The following DRAXIN variants were observed in gnomAD, a reference collection of about 807,000 sequenced individuals.
The protein encoded by DRAXIN is dorsal inhibitory axon guidance protein.
DRAXIN carries 27 observed loss-of-function variants against 33.9 expected under a neutral mutation model. The ratio of observed to expected loss-of-function variants is 0.80; its 90% CI spans 0.59 to 1.10. DRAXIN has a LOEUF of 1.10. Ranked by LOEUF, DRAXIN falls within the 50% of genes least tolerant of loss-of-function variation. The pLI is 0.00. For missense variants in DRAXIN, 371 were observed against 460.8 expected (o/e 0.81, Z 1.78); for synonymous variants, 178 against 194.0 (o/e 0.92, Z 0.69).
rs138104563 is a variant in DRAXIN, at chr1:11,719,611, G to A, written c.965G>A (p.Arg322Gln). 2,004 of 1,613,610 alleles carry A rather than the reference G, an allele frequency of 1.2e-3. 5 individuals carry two copies. The highest frequency in any genetic ancestry group is 1.3e-3 in the Non-Finnish European group (1,574 of 1,179,756). Residue 322 changes from arginine (R) to glutamine (Q), a missense_variant, in exon 7 of 7, where the codon CGG (arginine) becomes CAG (glutamine). Arg to Gln is a conservative substitution (Grantham distance 43, BLOSUM62 1). Transcript: ENST00000294485. ...EGLRCYAKFH[R>Q]NRRVTRRKGR... ...CTGCGCTGCTATGCCAAATTCCACC[G>A]GAACCGCAGGGTTACACGGAGGAAA...
chr1:11,718,308 T>A (rs1324558998), intron 6 of DRAXIN, among the ~76,000 whole-genome samples: 43 of 61,858 alleles, frequency 7.0e-4, no homozygotes, highest in Non-Finnish European at 1.1e-3. Context: ...AGAGCAAAAC[T>A]CCATCTCAAA....
rs1322684110 is a variant in DRAXIN, at chr1:11,694,182, CCTT to C, written c.-11+2332_-11+2334del. 6.6e-6 allele frequency among the ~76,000 whole-genome samples: 1 copy of C among 152,108 alleles called. No individual in the cohort carries two copies. The highest frequency in any genetic ancestry group is 1.5e-5 in the Non-Finnish European group (1 of 68,022). On this transcript the variant is annotated intron_variant, in intron 1 of 6. Transcript: ENST00000294485. This position sits in a 1 kb window ranked among gnomAD's most constrained non-coding sequence, Gnocchi z 4.9. ...TCCTCCCTGGGTGGGGGCTGGGTCT[CCTT>C]CTGCTTGTGGTCCCAGTGCCTGGCA...
chr1:11,714,363 C>G (rs188151751), intron 5 of DRAXIN, among the ~76,000 whole-genome samples: 1 of 152,218 alleles, frequency 6.6e-6, no homozygotes. Flanking sequence ...AGACGAGGCC[C>G]GTGCTGAGCA....
Position 11,706,468 on chromosome 1 carries a change from C to T in DRAXIN, c.210C>T (p.Gly70=), listed in dbSNP as rs1016502379. ...RGPGKKEWGP[G]LPSQAQDGAV... ...CGGGCAAGAAGGAGTGGGGCCCAGG[C>T]CTGCCCAGCCAGGCCCAGGATGGGG... The change falls in exon 2 of 7, where the codon GGC becomes GGT. Residue 70 remains glycine (G), a synonymous_variant. Coordinates refer to ENST00000294485, the MANE Select transcript of DRAXIN (RefSeq NM_198545.4). This position sits in a 1 kb window ranked among gnomAD's most constrained non-coding sequence, Gnocchi z 5.5. The T allele has an allele frequency of 3.7e-6, 6 of 1,610,662 alleles. No homozygotes were observed. In the African/African-American group the frequency reaches 6.7e-5, roughly 18 times the overall value.
Position 11,719,750 on chromosome 1 carries a change from T to C in DRAXIN, c.*54T>C. ...AGGAGGTTTGCACAAGCCGGGCGATTTGTTTGTAACTAGCAGTGGGAGATC... is the reference window on the plus strand; with the variant it reads ...AGGAGGTTTGCACAAGCCGGGCGATCTGTTTGTAACTAGCAGTGGGAGATC... On this transcript the variant is annotated 3_prime_UTR_variant, in exon 7 of 7. Coordinates refer to ENST00000294485, the MANE Select transcript of DRAXIN (RefSeq NM_198545.4). The C allele has an allele frequency of 6.6e-7, 1 of 1,514,628 alleles. No homozygotes were observed. Among genetic ancestry groups the C allele is most frequent in the Non-Finnish European group, 9.1e-7 (1 of 1,098,878 alleles). The allele number at this position is 1,514,628 out of a possible 1,614,324, so 93.8% of individuals were successfully genotyped here. A position where few individuals can be genotyped will look rare whatever the true frequency, so the allele number is the denominator to read the frequency against.
intron 6 of DRAXIN, among the ~76,000 whole-genome samples, chr1:11,716,484 G>A (rs1641579501): frequency 6.6e-6 from 1 of 152,216 alleles, no homozygotes; most frequent in Admixed American, 6.5e-5. Context: ...TCCTGGATGG[G>A]GGAATTGGGG....
At chr1:11,689,768 A>G (rs530915857), upstream of DRAXIN, among the ~76,000 whole-genome samples, 1 of 152,092 alleles carries the variant, frequency 6.6e-6, no homozygotes, top group East Asian at 1.9e-4. Context: ...TTTTTACTCT[A>G]TGGACTCGCC....
upstream of DRAXIN, chr1:11,691,563 G>A (rs1245202027): frequency 9.2e-5 from 14 of 151,684 alleles, no homozygotes; most frequent in African/African-American, 4.8e-5. Flanking sequence ...AGCTGGCGAG[G>A]GCGCGCTGGC....
intron 6 of DRAXIN, 146 bp from the exon 7 acceptor site, chr1:11,719,438 C>A: frequency 1.5e-6 from 1 of 664,608 alleles, no homozygotes; most frequent in Non-Finnish European, 2.6e-6. Context: ...GTCTTTTAAG[C>A]TCATTGGGGC....
chr1:11,707,809 C>A (rs6689544), intron 2 of DRAXIN, among the ~76,000 whole-genome samples: 5 of 152,164 alleles, frequency 3.3e-5, no homozygotes, highest in African/African-American at 4.8e-5. Context: ...CATTCAGTCT[C>A]GGAGTAGACA....
chr1:11,704,432 AATGCTT>A lies in DRAXIN; in HGVS notation c.-10-1816_-10-1811del, dbSNP rs1641347916. ...GATTGAGGTTCCCTCTGCGCCGAAC[AATGCTT>A]GAGTGACAGGCCTTTAAAATGGGCC... On this transcript the variant is annotated intron_variant, in intron 1 of 6. Transcript: ENST00000294485. This position sits in a 1 kb window ranked among gnomAD's most constrained non-coding sequence, Gnocchi z 4.6. Among the ~76,000 whole-genome samples, 1 of 150,864 alleles carries A rather than the reference AATGCTT, an allele frequency of 6.6e-6. No individual in the cohort carries two copies.
intron 5 of DRAXIN, among the ~76,000 whole-genome samples, chr1:11,713,427 A>G (rs991727156): frequency 6.6e-6 from 1 of 152,158 alleles, no homozygotes; most frequent in African/African-American, 2.4e-5. Context: ...TCCCATCGCA[A>G]CACTGCCAGG....
rs899611606 is a variant in DRAXIN at position 11,696,082 on chromosome 1, C to G, written c.-11+4229C>G. 2.0e-5 allele frequency among the ~76,000 whole-genome samples: 3 copies of G among 152,144 alleles called. No individual in the cohort carries two copies. The highest frequency in any genetic ancestry group is 4.4e-5 in the Non-Finnish European group (3 of 68,022). On this transcript the variant is annotated intron_variant, in intron 1 of 6. Coordinates refer to ENST00000294485, the MANE Select transcript of DRAXIN (RefSeq NM_198545.4). The surrounding 1 kb of genome is among the most constrained non-coding windows in gnomAD (Gnocchi z 4.7). ...CCCCTCCAGGCTGGCCTAGGACAGT[C>G]CTGCCCTGCCATCGATCACCCCACT...
rs1274832603 is a variant in DRAXIN, at chr1:11,725,023, C to T, written c.*5327C>T. On this transcript the variant is annotated 3_prime_UTR_variant, in exon 7 of 7. Coordinates refer to ENST00000294485, the MANE Select transcript of DRAXIN (RefSeq NM_198545.4). ...TGATACAGGATCCATGGCTGGGTCACTTCTGGGTGCAAGAGGCTTTCTAGA... is the reference window on the plus strand; with the variant it reads ...TGATACAGGATCCATGGCTGGGTCATTTCTGGGTGCAAGAGGCTTTCTAGA... The T allele has an allele frequency of 1.3e-5, 2 of 152,230 alleles. No homozygotes were observed. Among genetic ancestry groups the T allele is most frequent in the African/African-American group, 2.4e-5 (1 of 41,432 alleles). The allele number at this position is 152,230 out of a possible 1,614,324, so 9.4% of individuals were successfully genotyped here. A position where few individuals can be genotyped will look rare whatever the true frequency, so the allele number is the denominator to read the frequency against.
Position 11,705,001 on chromosome 1 carries a change from C to A in DRAXIN, c.-10-1248C>A, listed in dbSNP as rs528840868. On this transcript the variant is annotated intron_variant, in intron 1 of 6. Coordinates refer to ENST00000294485, the MANE Select transcript of DRAXIN (RefSeq NM_198545.4). This position sits in a 1 kb window ranked among gnomAD's most constrained non-coding sequence, Gnocchi z 4.8. ...GCAGTTTCCCTGCCCTACCACCCTC[C>A]CTCGGGGTCGGGGCTAAGGTGACAC... Among the ~76,000 whole-genome samples, 9 of 152,314 alleles carry A rather than the reference C, an allele frequency of 5.9e-5. No individual in the cohort carries two copies. Among genetic ancestry groups the A allele is most frequent in the African/African-American group, 2.2e-4 (9 of 41,568 alleles).
chr1:11,716,544 G>T (rs555519732), intron 6 of DRAXIN, among the ~76,000 whole-genome samples: 1 of 152,354 alleles, frequency 6.6e-6, no homozygotes, highest in South Asian at 2.1e-4. Flanking sequence ...GCTCATATTA[G>T]CCTCAGAGAG....
Position 11,692,106 on chromosome 1 carries a change from G to A in DRAXIN, c.-11+253G>A, listed in dbSNP as rs1641081424. Among the ~76,000 whole-genome samples the A allele has an allele frequency of 6.6e-6, 1 of 151,942 alleles. No individual in the cohort carries two copies. The highest frequency in any genetic ancestry group is 1.5e-5 in the Non-Finnish European group (1 of 67,948). ...CGGGCTCCCCATCCGTCCACCTACC[G>A]CTGGACGCCCACTTTTCCACGCTCT... On this transcript the variant is annotated intron_variant, in intron 1 of 6. Coordinates refer to ENST00000294485, the MANE Select transcript of DRAXIN (RefSeq NM_198545.4). The surrounding 1 kb of genome is among the most constrained non-coding windows in gnomAD (Gnocchi z 5.8).
rs1641151415 is a variant in DRAXIN at position 11,694,032 on chromosome 1, C to T, written c.-11+2179C>T. ...TTCTGCCCTGCCCTGTGTTTGATCT[C>T]AGCCCTCTGTCTTTGCTGACCAAGG... On this transcript the variant is annotated intron_variant, in intron 1 of 6. Coordinates refer to ENST00000294485, the MANE Select transcript of DRAXIN (RefSeq NM_198545.4). The surrounding 1 kb of genome is among the most constrained non-coding windows in gnomAD (Gnocchi z 4.9). Among the ~76,000 whole-genome samples the T allele has an allele frequency of 6.6e-6, 1 of 152,170 alleles. No individual in the cohort carries two copies. The highest frequency in any genetic ancestry group is 6.5e-5 in the Admixed American group (1 of 15,284).
At chr1:11,702,328 G>A (rs992442322) in intron 1 of DRAXIN, among the ~76,000 whole-genome samples, 1 of 145,710 alleles carries the variant, frequency 6.9e-6, no homozygotes, top group African/African-American at 2.6e-5. Context: ...TCACGCACAT[G>A]CTAACACTCC....
Sources: allele counts gnomAD v4.1 joint callset (sites outside exome capture counted in the v4.1 genomes callset), GRCh38; gene constraint gnomAD v4.1.1; non-coding constraint Gnocchi (gnomAD v3.1); transcripts MANE v1.5; gene names NCBI Gene and HGNC (gene_info 2026-07-23, HGNC 2026-07-21).